SH3RF1: variants seen among roughly 807,000 people sequenced by gnomAD.
SH3RF1 encodes the protein E3 ubiquitin-protein ligase SH3RF1.
A neutral mutation model predicts 74.0 loss-of-function variants in SH3RF1; 32 were observed. That is an observed-to-expected ratio of 0.43 (90% CI 0.33 to 0.58). The LOEUF is 0.58. SH3RF1 is among the 20% of genes least tolerant of loss of function. The pLI, the probability that SH3RF1 is intolerant of heterozygous loss-of-function variation, is 0.05. For synonymous variants in SH3RF1, 396 were observed against 439.6 expected (o/e 0.90, Z 1.24); for missense variants, 954 against 1,130.9 (o/e 0.84, Z 2.24).
chr4:169,118,229 A>T (rs1380139683), intron 8 of SH3RF1, among the ~76,000 whole-genome samples: 1 of 152,120 alleles, frequency 6.6e-6, no homozygotes, highest in Non-Finnish European at 1.5e-5. Flanking sequence ...ATGCACACAC[A>T]TACACGCACT....
intron 2 of SH3RF1, among the ~76,000 whole-genome samples, chr4:169,251,529 T>C (rs1354287948): frequency 1.3e-5 from 2 of 152,240 alleles, no homozygotes. Flanking sequence ...AGAAGCATAC[T>C]GTCTTTCATT....
intron 2 of SH3RF1, among the ~76,000 whole-genome samples, chr4:169,234,153 T>C (rs1248720483): frequency 6.6e-6 from 1 of 152,172 alleles, no homozygotes; most frequent in Admixed American, 6.5e-5. Context: ...GCAATTTTGC[T>C]CATCCCCACC....
intron 2 of SH3RF1, among the ~76,000 whole-genome samples, chr4:169,251,959 C>G (rs928552040): frequency 6.6e-6 from 1 of 152,216 alleles, no homozygotes; most frequent in African/African-American, 2.4e-5. Context: ...CACCTTTGAT[C>G]ATACATGTGT....
At chr4:169,135,328 A>G (rs1733683114) in intron 5 of SH3RF1, among the ~76,000 whole-genome samples, 1 of 152,176 alleles carries the variant, frequency 6.6e-6, no homozygotes, top group Non-Finnish European at 1.5e-5. Flanking sequence ...TTTTTCTTTA[A>G]GGGGACATAA....
At chr4:169,214,199 G>A (rs148759534) in intron 2 of SH3RF1, among the ~76,000 whole-genome samples, 286 of 152,220 alleles carry the variant, frequency 1.9e-3, no homozygotes, top group Non-Finnish European at 3.2e-3. Context: ...GAGCTCTCAC[G>A]AGATCTGGCT....
chr4:169,122,250 A>G lies in SH3RF1; in HGVS notation c.1196T>C (p.Leu399Pro). The G allele has an allele frequency of 6.2e-7, 1 of 1,601,128 alleles. No homozygotes were observed. Among genetic ancestry groups the G allele is most frequent in the Non-Finnish European group, 8.5e-7 (1 of 1,172,996 alleles). The change falls in exon 7 of 12, where the codon CTT becomes CCT. Residue 399 changes from leucine (L) to proline (P), a missense_variant. Leu to Pro is a moderately conservative substitution (Grantham distance 98, BLOSUM62 -3). Coordinates refer to ENST00000284637, the MANE Select transcript of SH3RF1 (RefSeq NM_020870.4). Reference protein sequence around the residue: ...QAALGTLNPPLPPPPLLAATV... With the variant: ...QAALGTLNPPPPPPPLLAATV... ...GGCAGCCAGGAGAGGGGGTGGTGGA[A>G]GAGGAGGATTCAAAGTCTAGTATAG...
At chr4:169,114,867 T>C (rs1406411574) in intron 10 of SH3RF1, among the ~76,000 whole-genome samples, 2 of 152,188 alleles carry the variant, frequency 1.3e-5, no homozygotes, top group African/African-American at 2.4e-5. Flanking sequence ...ACCATTTAAA[T>C]AGAACGACAT....
At chr4:169,208,068 A>G (rs1324630626) in intron 2 of SH3RF1, among the ~76,000 whole-genome samples, 1 of 152,214 alleles carries the variant, frequency 6.6e-6, no homozygotes, top group Non-Finnish European at 1.5e-5. Context: ...GCTATGCACT[A>G]GGTAACATGA....
chr4:169,137,409 T>C (rs2126954822), intron 4 of SH3RF1, among the ~76,000 whole-genome samples: 1 of 152,268 alleles, frequency 6.6e-6, no homozygotes, highest in African/African-American at 2.4e-5. Flanking sequence ...AAGCCTTTTG[T>C]TTTCCCTAGG....
intron 2 of SH3RF1, 55 bp from the exon 3 acceptor site, chr4:169,156,734 C>T (rs1734063504): frequency 2.0e-6 from 3 of 1,482,104 alleles, no homozygotes; most frequent in Non-Finnish European, 2.7e-6. Flanking sequence ...TAAAATGTCT[C>T]TGAAAATACA....
intron 2 of SH3RF1, among the ~76,000 whole-genome samples, chr4:169,250,124 C>G (rs75464206): frequency 0.029 from 4,358 of 152,268 alleles, 213 homozygotes; most frequent in African/African-American, 0.1. Context: ...ATATGTTAAG[C>G]ATAGAAATTT....
chr4:169,260,131 C>T (rs1369147596), intron 2 of SH3RF1, among the ~76,000 whole-genome samples: 1 of 152,028 alleles, frequency 6.6e-6, no homozygotes, highest in Non-Finnish European at 1.5e-5. Flanking sequence ...GCTGGGGGCT[C>T]GTGGAATGCT....
At chr4:169,100,239 C>T (rs753637029) in intron 11 of SH3RF1, among the ~76,000 whole-genome samples, 2 of 152,214 alleles carry the variant, frequency 1.3e-5, no homozygotes, top group Non-Finnish European at 2.9e-5. Context: ...CCATGACCTA[C>T]ATGGGACCTG....
chr4:169,143,413 G>A (rs571648497), intron 4 of SH3RF1, among the ~76,000 whole-genome samples: 2 of 152,064 alleles, frequency 1.3e-5, no homozygotes, highest in African/African-American at 2.4e-5. Context: ...GACGAGTCTC[G>A]CTGCAAGTTG....
At chr4:169,209,108 G>A (rs1730314659) in intron 2 of SH3RF1, among the ~76,000 whole-genome samples, 1 of 152,020 alleles carries the variant, frequency 6.6e-6, no homozygotes. Context: ...GGCCAACATG[G>A]TGAAACCCCA....
chr4:169,112,196 C>T (rs1579087484), intron 10 of SH3RF1, among the ~76,000 whole-genome samples: 1 of 152,070 alleles, frequency 6.6e-6, no homozygotes, highest in Non-Finnish European at 1.5e-5. Flanking sequence ...ATAATGAGGG[C>T]GTTATCAAAT....
At position 169,159,047 on chromosome 4, in the gene SH3RF1, C is replaced by T. The variant is rs2126966534; in HGVS notation, c.394-2368G>A. Reference sequence around the variant, plus strand: ...CCAGAGTAATGACACCCTCCTGTGACCTCTGACTTTCAGACTCTGTCTTAA... The same window carrying T: ...CCAGAGTAATGACACCCTCCTGTGATCTCTGACTTTCAGACTCTGTCTTAA... On this transcript the variant is annotated intron_variant, in intron 2 of 11. Coordinates refer to ENST00000284637, the MANE Select transcript of SH3RF1 (RefSeq NM_020870.4). 1.3e-5 allele frequency among the ~76,000 whole-genome samples: 2 copies of T among 152,242 alleles called. 1 individual carries two copies. The highest frequency in any genetic ancestry group is 1.3e-4 in the Admixed American group (2 of 15,300).
intron 2 of SH3RF1, among the ~76,000 whole-genome samples, chr4:169,161,823 A>G (rs551564960): frequency 6.6e-6 from 1 of 152,380 alleles, no homozygotes; most frequent in South Asian, 2.1e-4. Flanking sequence ...AAGAAATCAT[A>G]GTAATAGAAA....
chr4:169,170,068 T>C (rs1429670920), intron 2 of SH3RF1, among the ~76,000 whole-genome samples: 1 of 150,416 alleles, frequency 6.6e-6, no homozygotes, highest in East Asian at 1.9e-4. Flanking sequence ...TGAGGCTTCC[T>C]TAAAAAAAAA....
Sources: allele counts gnomAD v4.1 joint callset (sites outside exome capture counted in the v4.1 genomes callset), GRCh38; gene constraint gnomAD v4.1.1; transcripts MANE v1.5; gene names NCBI Gene and HGNC (gene_info 2026-07-23, HGNC 2026-07-21).